Variants in MARCHF4 observed in about 807,000 individuals in gnomAD.
The protein encoded by MARCHF4 is membrane associated ring-CH-type finger 4, also known as E3 ubiquitin-protein ligase MARCHF4.
Under a neutral mutation model 43.9 loss-of-function variants are expected in MARCHF4, and 14 were observed. The ratio of observed to expected loss-of-function variants is 0.32; its 90% CI spans 0.21 to 0.50. The LOEUF (loss-of-function observed/expected upper bound fraction) is 0.50. Among genes scored for constraint, MARCHF4 ranks in the 20% least tolerant of loss-of-function variants. The probability of loss-of-function intolerance (pLI) is 0.98; values close to 1 mark genes in which losing one functional copy is unlikely to be tolerated. For synonymous variants in MARCHF4, 226 were observed against 213.3 expected, an observed-to-expected ratio of 1.06 and a Z score of -0.52; for missense variants, 468 against 536.7, an observed-to-expected ratio of 0.87 and a Z score of 1.27.
At chr2:216,295,457 G>A (rs1195219986) in intron 1 of MARCHF4, among the ~76,000 whole-genome samples, 2 of 152,104 alleles carry the variant, frequency 1.3e-5, no homozygotes, top group South Asian at 4.1e-4. Flanking sequence ...ATGGGGTCTC[G>A]CCATGTTGCC....
At chr2:216,341,381 G>A (rs1379951321) in intron 1 of MARCHF4, among the ~76,000 whole-genome samples, 1 of 152,208 alleles carries the variant, frequency 6.6e-6, no homozygotes, top group South Asian at 2.1e-4. Context: ...TTCCACAGGG[G>A]CTTGAGCCTG....
intron 1 of MARCHF4, among the ~76,000 whole-genome samples, chr2:216,355,251 C>T (rs1204529007): frequency 5.3e-5 from 8 of 152,004 alleles, no homozygotes; most frequent in Non-Finnish European, 1.0e-4. Flanking sequence ...GGATTACAGA[C>T]GTGAGCCACT....
intron 3 of MARCHF4, among the ~76,000 whole-genome samples, chr2:216,275,627 G>A (rs1025520245): frequency 6.6e-6 from 1 of 152,158 alleles, no homozygotes; most frequent in Non-Finnish European, 1.5e-5. Context: ...TCGATGACAT[G>A]GTGGTCTCTT....
chr2:216,345,888 A>G (rs1475912027), intron 1 of MARCHF4, among the ~76,000 whole-genome samples: 1 of 151,472 alleles, frequency 6.6e-6, no homozygotes, highest in Non-Finnish European at 1.5e-5. Flanking sequence ...CACCCCATGT[A>G]AAATCAAATA....
chr2:216,304,698 A>G (rs1691552376), intron 1 of MARCHF4, among the ~76,000 whole-genome samples: 1 of 152,212 alleles, frequency 6.6e-6, no homozygotes, highest in Admixed American at 6.5e-5. Flanking sequence ...AGGGCAATGT[A>G]GAAAACATTC....
At chr2:216,263,518 AGAGAG>A (rs1559280559) in intron 3 of MARCHF4, among the ~76,000 whole-genome samples, 2 of 146,158 alleles carry the variant, frequency 1.4e-5, no homozygotes, top group African/African-American at 5.1e-5. Flanking sequence ...AGAGAGAGAG[AGAGAG>A]AGAGAGAGAG....
chr2:216,294,103 T>C (rs1386399875), intron 1 of MARCHF4, among the ~76,000 whole-genome samples: 1 of 152,248 alleles, frequency 6.6e-6, no homozygotes, highest in East Asian at 1.9e-4. Context: ...TTTGCATATG[T>C]TGGGCTGGGC....
intron 1 of MARCHF4, among the ~76,000 whole-genome samples, chr2:216,301,133 C>T (rs1489065620): frequency 6.6e-6 from 1 of 152,170 alleles, no homozygotes; most frequent in African/African-American, 2.4e-5. Context: ...TTTTAATTGG[C>T]TGTGAAAGCA....
At chr2:216,259,862 C>A (rs183027337) in intron 3 of MARCHF4, 183 bp from the exon 4 acceptor site, 119 of 613,500 alleles carry the variant, frequency 1.9e-4, no homozygotes, top group African/African-American at 1.7e-3. Flanking sequence ...GGAGGGGCCA[C>A]CAGACCGAGT....
At chr2:216,334,951 T>C (rs1692136656) in intron 1 of MARCHF4, among the ~76,000 whole-genome samples, 2 of 152,216 alleles carry the variant, frequency 1.3e-5, no homozygotes, top group East Asian at 3.8e-4. Context: ...AGGGATGATG[T>C]AGGAAGGGAA....
chr2:216,327,957 CAA>C (rs113198806), intron 1 of MARCHF4, among the ~76,000 whole-genome samples: 4 of 88,034 alleles, frequency 4.5e-5, no homozygotes, highest in Non-Finnish European at 4.9e-5. Context: ...TATTAGCTTG[CAA>C]AAAAAAAAAA....
intron 1 of MARCHF4, among the ~76,000 whole-genome samples, chr2:216,361,594 A>C (rs1057474434): frequency 6.6e-6 from 1 of 152,184 alleles, no homozygotes; most frequent in Non-Finnish European, 1.5e-5. Context: ...GTGATGATGG[A>C]GATGGATAAA....
intron 1 of MARCHF4, among the ~76,000 whole-genome samples, chr2:216,285,579 C>T (rs1162522351): frequency 6.6e-6 from 1 of 152,238 alleles, no homozygotes; most frequent in Non-Finnish European, 1.5e-5. Context: ...TTTTGCTTCT[C>T]TAGGACATGG....
intron 1 of MARCHF4, among the ~76,000 whole-genome samples, chr2:216,306,231 A>G (rs1350553449): frequency 6.6e-6 from 1 of 152,176 alleles, no homozygotes; most frequent in Non-Finnish European, 1.5e-5. Context: ...AGCCAATTTA[A>G]TTTTTGATCA....
intron 2 of MARCHF4, among the ~76,000 whole-genome samples, chr2:216,279,750 T>C (rs1169273652): frequency 2.0e-5 from 3 of 152,132 alleles, no homozygotes; most frequent in Non-Finnish European, 4.4e-5. Flanking sequence ...CCATTACAGG[T>C]AATTGGGCCT....
In MARCHF4 at chr2:216,372,399, A is replaced by G. The variant is rs879711696; in HGVS notation, c.-2139T>C. ...CGTCACGCTCGTGGGGGCCTGACGC[A>G]GACGCCGCGGAGGGATGGAGGAGGG... is the stretch of plus-strand genomic sequence containing the variant. On this transcript the variant is annotated 5_prime_UTR_variant, in exon 1 of 4. Coordinates refer to ENST00000273067, the MANE Select transcript of MARCHF4 (RefSeq NM_020814.3). Among the ~76,000 whole-genome samples the G allele has an allele frequency of 2.6e-5, 4 of 152,054 alleles. No individual in the cohort carries two copies. The highest frequency in any genetic ancestry group is 5.9e-5 in the Non-Finnish European group (4 of 68,000).
chr2:216,323,816 G>A (rs1304860589), intron 1 of MARCHF4, among the ~76,000 whole-genome samples: 2 of 152,112 alleles, frequency 1.3e-5, no homozygotes, highest in Non-Finnish European at 2.9e-5. Context: ...TCAAAGCAGT[G>A]TGTAGAAGGA....
intron 1 of MARCHF4, among the ~76,000 whole-genome samples, chr2:216,353,994 A>G (rs1304681847): frequency 6.6e-6 from 1 of 152,230 alleles, no homozygotes; most frequent in African/African-American, 2.4e-5. Context: ...GGTGGCTTCC[A>G]GAGAAAAACT....
At chr2:216,327,853 A>C (rs1692019839) in intron 1 of MARCHF4, among the ~76,000 whole-genome samples, 1 of 152,054 alleles carries the variant, frequency 6.6e-6, no homozygotes, top group Non-Finnish European at 1.5e-5. Flanking sequence ...GTGAAACCAG[A>C]TCTACAGGTT....
Sources: gnomAD v4.1 joint callset for allele counts (sites outside exome capture counted in the v4.1 genomes callset) on GRCh38, gnomAD v4.1.1 for gene constraint, MANE v1.5 for transcripts, NCBI Gene and HGNC (gene_info 2026-07-23, HGNC 2026-07-21) for gene names.